The following SCNN1B variants were observed in gnomAD, a reference collection of about 807,000 sequenced individuals.
SCNN1B encodes epithelial sodium channel subunit beta.
SCNN1B carries 46 observed loss-of-function variants against 65.3 expected under a neutral mutation model. The observed-to-expected ratio is 0.70, with a 90% CI of 0.56 to 0.90. The LOEUF (loss-of-function observed/expected upper bound fraction) is 0.90. SCNN1B is among the 40% of genes least tolerant of loss of function. The probability of loss-of-function intolerance (pLI) is 0.00; values close to 1 mark genes in which losing one functional copy is unlikely to be tolerated. For missense variants in SCNN1B, 751 were observed against 830.5 expected (o/e 0.90, Z 1.18); for synonymous variants, 349 against 330.6 (o/e 1.06, Z -0.60).
chr16:23,295,076 T>C (rs989644940), intron 2 of SCNN1B, among the ~76,000 whole-genome samples: 4 of 152,176 alleles, frequency 2.6e-5, no homozygotes, highest in Admixed American at 6.5e-5. Flanking sequence ...ATTATTACCA[T>C]CTAGAAGTTC....
At chr16:23,379,353 C>G (rs1034697335) in intron 11 of SCNN1B, among the ~76,000 whole-genome samples, 1 of 152,100 alleles carries the variant, frequency 6.6e-6, no homozygotes, top group African/African-American at 2.4e-5. Flanking sequence ...GTAAAAAGGG[C>G]TCAAGGAGAG....
chr16:23,280,563 A>G (rs1188705432), intron 1 of SCNN1B, among the ~76,000 whole-genome samples: 1 of 152,214 alleles, frequency 6.6e-6, no homozygotes, highest in African/African-American at 2.4e-5. Context: ...CGTATTAAAC[A>G]AGCACAGAGA....
At chr16:23,330,579 T>C (rs185305705) in intron 1 of SCNN1B, among the ~76,000 whole-genome samples, 12 of 152,190 alleles carry the variant, frequency 7.9e-5, no homozygotes, top group Non-Finnish European at 1.5e-4. Flanking sequence ...TTTTTGTTTT[T>C]TGGGTGGTTT....
chr16:23,309,778 C>A (rs924951954), intron 1 of SCNN1B, among the ~76,000 whole-genome samples: 16 of 152,230 alleles, frequency 1.1e-4, no homozygotes, highest in Non-Finnish European at 1.9e-4. Flanking sequence ...CCCTCACAGA[C>A]ACACCCGGGA....
At chr16:23,334,405 C>G (rs1052116707) in intron 1 of SCNN1B, among the ~76,000 whole-genome samples, 2 of 152,296 alleles carry the variant, frequency 1.3e-5, no homozygotes, top group East Asian at 3.9e-4. Flanking sequence ...TACATGCATA[C>G]TGTATGCACA....
chr16:23,355,599 C>T (rs1962404669), intron 4 of SCNN1B, 110 bp downstream of exon 4: 3 of 1,075,930 alleles, frequency 2.8e-6, no homozygotes, highest in Admixed American at 1.9e-5. Flanking sequence ...AGCCACTTAC[C>T]GGCTATCTGC....
upstream of SCNN1B, among the ~76,000 whole-genome samples, chr16:23,300,359 CTG>C (rs2141974790): frequency 6.7e-6 from 1 of 150,138 alleles, no homozygotes; most frequent in Non-Finnish European, 1.5e-5. Context: ...ATAAAAAAGA[CTG>C]AAAAAAAAAG....
At chr16:23,344,009 CTAGT>C (rs1005048931) in intron 1 of SCNN1B, among the ~76,000 whole-genome samples, 7 of 152,254 alleles carry the variant, frequency 4.6e-5, no homozygotes, top group Admixed American at 1.3e-4. Flanking sequence ...AGGGGCCAGA[CTAGT>C]TAGATGCTCA....
In SCNN1B at chr16:23,348,208, G is replaced by A. The variant is rs1444600762; in HGVS notation, c.-8-384G>A. On this transcript the variant is annotated intron_variant, in intron 1 of 12. Coordinates refer to ENST00000343070, the MANE Select transcript of SCNN1B (RefSeq NM_000336.3). This position sits in a 1 kb window ranked among gnomAD's most constrained non-coding sequence, Gnocchi z 4.5. ...ACAATGAAACATTGAACAAAACGACGTCGTTTGAGGACTTGCTATACCACA... is the reference window on the plus strand; with the variant it reads ...ACAATGAAACATTGAACAAAACGACATCGTTTGAGGACTTGCTATACCACA... 2.0e-5 allele frequency among the ~76,000 whole-genome samples: 3 copies of A among 152,190 alleles called. No homozygotes were observed. Among genetic ancestry groups the A allele is most frequent in the African/African-American group, 2.4e-5 (1 of 41,508 alleles).
intron 1 of SCNN1B, among the ~76,000 whole-genome samples, chr16:23,319,942 A>AT (rs923417523): frequency 1.3e-5 from 2 of 151,866 alleles, no homozygotes; most frequent in South Asian, 2.1e-4. Context: ...TAATTTTTGT[A>AT]TTTTTTTGTA....
chr16:23,360,915 C>T (rs1464362222), intron 4 of SCNN1B, among the ~76,000 whole-genome samples: 1 of 152,156 alleles, frequency 6.6e-6, no homozygotes, highest in East Asian at 1.9e-4. Context: ...CTGCCTCAGC[C>T]TCCCGAGTAG....
intron 1 of SCNN1B, among the ~76,000 whole-genome samples, chr16:23,280,726 G>C (rs1474380055): frequency 6.6e-6 from 1 of 152,200 alleles, no homozygotes; most frequent in Non-Finnish European, 1.5e-5. Flanking sequence ...TCAGTGGCTA[G>C]AGAAGGTGTG....
chr16:23,310,106 G>A (rs370284037), intron 1 of SCNN1B, among the ~76,000 whole-genome samples: 5 of 152,232 alleles, frequency 3.3e-5, no homozygotes, highest in Admixed American at 6.5e-5. Flanking sequence ...ACAAGGCACC[G>A]TGGCTCACAC....
Position 23,377,613 on chromosome 16 carries a change from T to TCTTC in SCNN1B, c.1404+236_1404+239dup, listed in dbSNP as rs761024981. Among the ~76,000 whole-genome samples the TCTTC allele has an allele frequency of 3.1e-3, 291 of 93,368 alleles. 5 individuals are homozygous for TCTTC. Among genetic ancestry groups the TCTTC allele is most frequent in the South Asian group, 5.7e-3 (18 of 3,138 alleles). The allele number at this position is 93,368 out of a possible 152,430, so 61.3% of individuals were successfully genotyped here. A position where few individuals can be genotyped will look rare whatever the true frequency, so the allele number is the denominator to read the frequency against. On this transcript the variant is annotated intron_variant, in intron 10 of 12. Transcript: ENST00000343070. Reference sequence around the variant, plus strand: ...CTTCTCCCTTCCTTCCTTCCTTCTTTCTTCCTTCCTTCATTCCTTCTCCCT... The same window carrying TCTTC: ...CTTCTCCCTTCCTTCCTTCCTTCTTTCTTCCTTCCTTCCTTCATTCCTTCTCCCT...
At chr16:23,368,397 C>T (rs868134971) in intron 5 of SCNN1B, among the ~76,000 whole-genome samples, 3 of 151,970 alleles carry the variant, frequency 2.0e-5, no homozygotes, top group Admixed American at 2.0e-4. Flanking sequence ...CAAAAATTAG[C>T]GAGGCATGAT....
rs577293143 is a variant in SCNN1B at position 23,359,981 on chromosome 16, T to C, written c.776+4492T>C. Among the ~76,000 whole-genome samples, 3 of 152,266 alleles carry C rather than the reference T, an allele frequency of 2.0e-5. No homozygotes were observed. In the East Asian group the frequency reaches 5.8e-4, roughly 29 times the overall value. Reference sequence around the variant, plus strand: ...ACTTTGGGAAGCCGAGGCAGGCAGATCACCTGAGGTCAGGAGTTTGAGACC... The same window carrying C: ...ACTTTGGGAAGCCGAGGCAGGCAGACCACCTGAGGTCAGGAGTTTGAGACC... On this transcript the variant is annotated intron_variant, in intron 4 of 12. Coordinates refer to ENST00000343070, the MANE Select transcript of SCNN1B (RefSeq NM_000336.3).
chr16:23,291,004 C>G (rs1367384054), intron 2 of SCNN1B, among the ~76,000 whole-genome samples: 1 of 151,896 alleles, frequency 6.6e-6, no homozygotes, highest in Non-Finnish European at 1.5e-5. Flanking sequence ...TGATATCTGA[C>G]CACACACCTT....
rs72654334 is a variant in SCNN1B, at chr16:23,362,707, C to T, written c.777-5149C>T. Among the ~76,000 whole-genome samples, 516 of 152,330 alleles carry T rather than the reference C, an allele frequency of 3.4e-3. 3 individuals carry two copies. The highest frequency in any genetic ancestry group is 6.3e-3 in the Admixed American group (96 of 15,298). ...ACGCACGTGGAGACCAAGAGCATGG[C>T]GCGGGCAGGAGGGGACCTGGCCACA... On this transcript the variant is annotated intron_variant, in intron 4 of 12. Coordinates refer to ENST00000343070, the MANE Select transcript of SCNN1B (RefSeq NM_000336.3).
intron 1 of SCNN1B, among the ~76,000 whole-genome samples, chr16:23,313,725 C>T (rs1271168821): frequency 2.6e-5 from 4 of 152,190 alleles, no homozygotes; most frequent in Non-Finnish European, 4.4e-5. Context: ...CATTCTCCTG[C>T]CCCAGCCTCC....
Sources: gnomAD v4.1 joint callset for allele counts (sites outside exome capture counted in the v4.1 genomes callset) on GRCh38, gnomAD v4.1.1 for gene constraint, Gnocchi (gnomAD v3.1) non-coding constraint, MANE v1.5 for transcripts, NCBI Gene and HGNC (gene_info 2026-07-23, HGNC 2026-07-21) for gene names.